MYO5B: variants seen among roughly 807,000 people sequenced by gnomAD.
MYO5B encodes myosin VB, also known as unconventional myosin-Vb.
In MYO5B, 143 loss-of-function variants were observed where a neutral mutation model predicts 229.3. The ratio of observed to expected loss-of-function variants is 0.62; its 90% CI spans 0.54 to 0.72. The LOEUF is 0.72. Ranked by LOEUF, MYO5B falls within the 30% of genes least tolerant of loss-of-function variation. The probability of loss-of-function intolerance (pLI) is 0.00; values close to 1 mark genes in which losing one functional copy is unlikely to be tolerated. For missense variants in MYO5B, 2,321 were observed against 2,331.0 expected (o/e 1.00, Z 0.09); for synonymous variants, 918 against 885.2 (o/e 1.04, Z -0.66).
intron 22 of MYO5B, among the ~76,000 whole-genome samples, chr18:49,894,176 A>C (rs1375437270): frequency 6.6e-6 from 1 of 152,056 alleles, no homozygotes; most frequent in Non-Finnish European, 1.5e-5. Context: ...TGAACACTGG[A>C]TCTCTCCCTC....
At chr18:49,911,416 G>A (rs2024955912) in intron 18 of MYO5B, among the ~76,000 whole-genome samples, 1 of 152,196 alleles carries the variant, frequency 6.6e-6, no homozygotes, top group African/African-American at 2.4e-5. Context: ...TCTGGCTGAA[G>A]GTGGCCTGAT....
At chr18:50,184,543 T>C (rs2033119946) in intron 1 of MYO5B, among the ~76,000 whole-genome samples, 1 of 152,168 alleles carries the variant, frequency 6.6e-6, no homozygotes, top group African/African-American at 2.4e-5. Context: ...CATAAGCCTG[T>C]GTTATTGTTA....
chr18:49,907,288 A>T (rs1045345539), intron 18 of MYO5B, among the ~76,000 whole-genome samples: 1 of 152,248 alleles, frequency 6.6e-6, no homozygotes, highest in African/African-American at 2.4e-5. Flanking sequence ...TCAACATTTT[A>T]AAAAGATTAT....
At chr18:50,098,356 A>G (rs145157207) in intron 1 of MYO5B, among the ~76,000 whole-genome samples, 3 of 152,314 alleles carry the variant, frequency 2.0e-5, no homozygotes, top group East Asian at 1.9e-4. Flanking sequence ...ACAGGCTCCA[A>G]ACTTAGTTGC....
At chr18:49,902,942 T>A in intron 20 of MYO5B, 109 bp from the exon 21 acceptor site, 1 of 1,399,940 alleles carries the variant, frequency 7.1e-7, no homozygotes, top group South Asian at 1.3e-5. Flanking sequence ...GCCTTGGTTC[T>A]AGGAGTTACA....
At chr18:50,106,357 C>A (rs962167365) in intron 1 of MYO5B, among the ~76,000 whole-genome samples, 7 of 152,148 alleles carry the variant, frequency 4.6e-5, no homozygotes, top group Non-Finnish European at 1.0e-4. Flanking sequence ...AATTTCCCTC[C>A]CTTGCTCAGA....
intron 13 of MYO5B, 94 bp from the exon 14 acceptor site, chr18:49,953,437 G>C (rs1353326509): frequency 1.5e-5 from 17 of 1,103,272 alleles, no homozygotes; most frequent in Non-Finnish European, 2.4e-5. Context: ...TTTCTGAAAA[G>C]AGCTGTGAGT....
chr18:49,986,493 G>C (rs2025872218), intron 7 of MYO5B, among the ~76,000 whole-genome samples: 1 of 152,188 alleles, frequency 6.6e-6, no homozygotes, highest in South Asian at 2.1e-4. Context: ...GTTTCCTGGA[G>C]GAGTAACAAA....
At chr18:49,955,745 A>G (rs138340988) in intron 12 of MYO5B, among the ~76,000 whole-genome samples, 4 of 152,354 alleles carry the variant, frequency 2.6e-5, no homozygotes, top group African/African-American at 9.6e-5. Flanking sequence ...GGCAGACAAT[A>G]AAATATATTT....
chr18:50,165,805 GGAAGGAAGAAAA>G (rs1319910329), intron 1 of MYO5B, among the ~76,000 whole-genome samples: 2 of 150,964 alleles, frequency 1.3e-5, no homozygotes, highest in African/African-American at 4.9e-5. Context: ...AAGGAAGGAA[GGAAGGAAGAAAA>G]GAAGGAGAGA....
rs1264750711 is a variant in MYO5B at position 50,128,391 on chromosome 18, C to T, written c.27+66376G>A. ...AACAGCTGATGGATTCTGAACATGACCCTCCACACAGGTAGATGGGGTGCC... is the reference window on the plus strand; with the variant it reads ...AACAGCTGATGGATTCTGAACATGATCCTCCACACAGGTAGATGGGGTGCC... On this transcript the variant is annotated intron_variant, in intron 1 of 39. Transcript: ENST00000285039. 2.6e-5 allele frequency among the ~76,000 whole-genome samples: 4 copies of T among 152,116 alleles called. No individual in the cohort carries two copies. The East Asian group carries it at 7.7e-4, about 29-fold the overall frequency.
At chr18:50,071,936 G>A (rs780877983) in intron 1 of MYO5B, among the ~76,000 whole-genome samples, 3 of 152,200 alleles carry the variant, frequency 2.0e-5, no homozygotes, top group Non-Finnish European at 2.9e-5. Context: ...CAAATCAACA[G>A]CTGACTTCTA....
chr18:49,919,037 C>T (rs1787534), intron 17 of MYO5B, among the ~76,000 whole-genome samples: 19,313 of 152,154 alleles, frequency 0.13, 1,493 homozygotes, highest in African/African-American at 0.22. Flanking sequence ...TAACTTTTCT[C>T]GGGTATATTT....
chr18:50,151,502 C>G (rs904072895), intron 1 of MYO5B, among the ~76,000 whole-genome samples: 4 of 152,104 alleles, frequency 2.6e-5, no homozygotes, highest in African/African-American at 9.7e-5. Flanking sequence ...TAGGGGTGGG[C>G]TTTTATGTCA....
At chr18:50,133,450 T>C (rs893355916) in intron 1 of MYO5B, among the ~76,000 whole-genome samples, 3 of 152,198 alleles carry the variant, frequency 2.0e-5, no homozygotes, top group African/African-American at 7.2e-5. Context: ...AAAGCTCATA[T>C]GGTGCAGACG....
intron 21 of MYO5B, among the ~76,000 whole-genome samples, chr18:49,900,119 C>T (rs1024220886): frequency 3.3e-5 from 5 of 152,204 alleles, no homozygotes; most frequent in Admixed American, 2.0e-4. Context: ...CAGGGTGCAG[C>T]GGTCAATGCC....
At chr18:49,969,097 G>A (rs1233871492) in intron 10 of MYO5B, among the ~76,000 whole-genome samples, 4 of 152,154 alleles carry the variant, frequency 2.6e-5, no homozygotes, top group African/African-American at 9.7e-5. Flanking sequence ...TGAGAACACT[G>A]TGGCTAGCCA....
At chr18:49,831,039 A>G (rs535751490) in intron 39 of MYO5B, among the ~76,000 whole-genome samples, 2 of 152,074 alleles carry the variant, frequency 1.3e-5, no homozygotes, top group African/African-American at 2.4e-5. Context: ...AGTCCATTCA[A>G]TGAGGGAAAG....
At chr18:50,185,323 A>T (rs1281129657) in intron 1 of MYO5B, among the ~76,000 whole-genome samples, 4 of 152,038 alleles carry the variant, frequency 2.6e-5, no homozygotes, top group Non-Finnish European at 5.9e-5. Flanking sequence ...GAGAAAGAAC[A>T]ATGACCCGAA....
Sources: gnomAD v4.1 joint callset for allele counts (sites outside exome capture counted in the v4.1 genomes callset) on GRCh38, gnomAD v4.1.1 for gene constraint, MANE v1.5 for transcripts, NCBI Gene and HGNC (gene_info 2026-07-23, HGNC 2026-07-21) for gene names.